Variants in ESM1 observed in about 807,000 individuals in gnomAD.
ESM1 encodes the protein endothelial cell-specific molecule 1.
In ESM1, 7 loss-of-function variants were observed where a neutral mutation model predicts 14.9. The ratio of observed to expected loss-of-function variants is 0.47; its 90% CI spans 0.27 to 0.88. The LOEUF is 0.88. Ranked by LOEUF, ESM1 falls within the 40% of genes least tolerant of loss-of-function variation. The probability of loss-of-function intolerance (pLI) is 0.14; values close to 1 mark genes in which losing one functional copy is unlikely to be tolerated. For synonymous variants in ESM1, 89 were observed against 89.4 expected, an observed-to-expected ratio of 1.00 and a Z score of 0.02; for missense variants, 192 against 237.9, an observed-to-expected ratio of 0.81 and a Z score of 1.27.
rs776395511 is a variant in ESM1, at chr5:54,977,963, C to T, written c.*1369G>A. 4 of 152,162 alleles carry T rather than the reference C, an allele frequency of 2.6e-5. No individual in the cohort carries two copies. The highest frequency in any genetic ancestry group is 1.3e-4 in the Admixed American group (2 of 15,272). 9.4% of individuals were successfully genotyped at this position (152,162 alleles called of 1,614,324 possible). Reference sequence around the variant, plus strand: ...CTTTACATTCAAAGGCCTTCCCACACACATTCACAACTCTGTTGGCCAACT... The same window carrying T: ...CTTTACATTCAAAGGCCTTCCCACATACATTCACAACTCTGTTGGCCAACT... On this transcript the variant is annotated 3_prime_UTR_variant, in exon 3 of 3. Transcript: ENST00000381405.
chr5:54,979,081 G>A lies in ESM1; in HGVS notation c.*251C>T, dbSNP rs1743998709. Reference sequence around the variant, plus strand: ...CCTAAATTGCATTTTTAGTTCTTCAGTGTTACTATACACACACATTTAACA... The same window carrying A: ...CCTAAATTGCATTTTTAGTTCTTCAATGTTACTATACACACACATTTAACA... On this transcript the variant is annotated 3_prime_UTR_variant, in exon 3 of 3. Transcript: ENST00000381405. The A allele has an allele frequency of 1.1e-5, 4 of 379,330 alleles. No homozygotes were observed. The highest frequency in any genetic ancestry group is 1.9e-5 in the Non-Finnish European group (4 of 209,874). The allele number at this position is 379,330 out of a possible 1,614,324, so 23.5% of individuals were successfully genotyped here. A position where few individuals can be genotyped will look rare whatever the true frequency, so the allele number is the denominator to read the frequency against.
chr5:54,985,228 C>T lies in ESM1; in HGVS notation c.290G>A (p.Gly97Asp). 3 of 1,610,670 alleles carry T rather than the reference C, an allele frequency of 1.9e-6. 1 individual carries two copies. Among genetic ancestry groups the T allele is most frequent in the Non-Finnish European group, 2.5e-6 (3 of 1,177,592 alleles). The change falls in exon 1 of 3, where the codon GGT becomes GAT. Residue 97 changes from glycine to aspartate, a missense_variant. By Grantham distance (94) the Gly-to-Asp change is moderately conservative. Transcript: ENST00000381405. ...NGEDPFGEEF[G>D]ICKDCPYGTF... The stretch of plus-strand genomic sequence containing the variant: ...GGGTCACTCTTTACCTTTGCAGATA[C>T]CAAACTCTTCACCAAAAGGATCCTC...
At chr5:54,981,533 T>C (rs1325822257) in intron 2 of ESM1, among the ~76,000 whole-genome samples, 1 of 152,190 alleles carries the variant, frequency 6.6e-6, no homozygotes, top group Non-Finnish European at 1.5e-5. Flanking sequence ...ATGCTTTCAT[T>C]TGGTTAAAAA....
intron 2 of ESM1, among the ~76,000 whole-genome samples, chr5:54,981,221 C>T (rs1054580636): frequency 1.3e-5 from 2 of 152,116 alleles, no homozygotes; most frequent in East Asian, 1.9e-4. Context: ...TAACTACAAT[C>T]GCCATTCTGT....
intron 1 of ESM1, 114 bp from the exon 2 acceptor site, chr5:54,982,260 T>C: frequency 7.3e-6 from 7 of 963,058 alleles, no homozygotes; most frequent in Non-Finnish European, 1.1e-5. Flanking sequence ...ACCTTGACTG[T>C]AAAGTAAAAT....
chr5:54,982,228 G>A (rs1744067769), intron 1 of ESM1, 82 bp from the exon 2 acceptor site: 2 of 1,418,972 alleles, frequency 1.4e-6, no homozygotes, highest in Non-Finnish European at 1.9e-6. Context: ...GCATAGCCTT[G>A]CGATTTGAAC....
At chr5:54,981,390 A>G (rs1003989124) in intron 2 of ESM1, among the ~76,000 whole-genome samples, 1 of 152,230 alleles carries the variant, frequency 6.6e-6, no homozygotes, top group South Asian at 2.1e-4. Context: ...TAACACCTGT[A>G]TAAGAAATAC....
chr5:54,978,177 AT>A lies in ESM1; in HGVS notation c.*1154del, dbSNP rs1172610453. ...AAAGAAAAAAATATGAAAATAAACT[AT>A]ATTTTAAAGTTGACATGTTTTCTGC... On this transcript the variant is annotated 3_prime_UTR_variant, in exon 3 of 3. Coordinates refer to ENST00000381405, the MANE Select transcript of ESM1 (RefSeq NM_007036.5). 6.6e-6 allele frequency: 1 copy of A among 152,224 alleles called. No homozygotes were observed. Among genetic ancestry groups the A allele is most frequent in the Non-Finnish European group, 1.5e-5 (1 of 68,030 alleles). 9.4% of individuals were successfully genotyped at this position (152,224 alleles called of 1,614,324 possible).
Position 54,985,318 on chromosome 5 carries a change from C to T in ESM1, c.200G>A (p.Arg67His). 1 of 1,614,154 alleles carries T rather than the reference C, an allele frequency of 6.2e-7. No homozygotes were observed. Among genetic ancestry groups the T allele is most frequent in the Non-Finnish European group, 8.5e-7 (1 of 1,180,036 alleles). The change falls in exon 1 of 3, where the codon CGC becomes CAC. Residue 67 changes from arginine to histidine, a missense_variant. Physicochemically the swap from Arg to His is conservative, Grantham distance 29. Transcript: ENST00000381405. Reference sequence around the variant, plus strand: ...CATGCCATCCATGCCTGAGACTGTGCGGTAGCAAGTTTCTCCCCGCCCTGC... The same window carrying T: ...CATGCCATCCATGCCTGAGACTGTGTGGTAGCAAGTTTCTCCCCGCCCTGC... Reference protein sequence around the residue: ...CAAGRGETCYRTVSGMDGMKC... With the variant: ...CAAGRGETCYHTVSGMDGMKC...
chr5:54,982,165 T>G lies in ESM1; in HGVS notation c.302-19A>C, dbSNP rs1580280166. ...GGACAGTCTGGGGACAAAGGAAAGG[T>G]TGGAGAGGACGCTGCTTGTTGTAAA... On this transcript the variant is annotated intron_variant, in intron 1 of 2. Transcript: ENST00000381405. The G allele has an allele frequency of 1.2e-6, 2 of 1,612,594 alleles. No homozygotes were observed. Among genetic ancestry groups the G allele is most frequent in the Non-Finnish European group, 1.7e-6 (2 of 1,179,222 alleles).
intron 1 of ESM1, among the ~76,000 whole-genome samples, chr5:54,984,478 AT>A (rs1434242198): frequency 6.6e-6 from 1 of 152,208 alleles, no homozygotes; most frequent in Non-Finnish European, 1.5e-5. Context: ...TAACTACATT[AT>A]TTAGCTAAAA....
intron 2 of ESM1, among the ~76,000 whole-genome samples, chr5:54,979,948 A>T (rs1458912758): frequency 6.6e-6 from 1 of 152,202 alleles, no homozygotes; most frequent in Admixed American, 6.5e-5. Context: ...GACACTTCTC[A>T]CTCTACATAT....
chr5:54,983,936 A>G (rs770735790), intron 1 of ESM1, among the ~76,000 whole-genome samples: 53 of 152,232 alleles, frequency 3.5e-4, no homozygotes, highest in Non-Finnish European at 6.8e-4. Context: ...AATAAGCCCC[A>G]TAATTTACAA....
rs1201965544 is a variant in ESM1 at position 54,985,308 on chromosome 5, T to G, written c.210A>C (p.Ser70=). The change falls in exon 1 of 3, where the codon TCA becomes TCC. Residue 70 remains serine (S), a synonymous_variant. Coordinates refer to ENST00000381405, the MANE Select transcript of ESM1 (RefSeq NM_007036.5). ...GGCCACACTTCATGCCATCCATGCC[T>G]GAGACTGTGCGGTAGCAAGTTTCTC... is the stretch of plus-strand genomic sequence containing the variant. ...GRGETCYRTV[S]GMDGMKCGPG... is the part of the protein sequence containing the mutation. The G allele has an allele frequency of 6.2e-7, 1 of 1,614,088 alleles. No homozygotes were observed. The highest frequency in any genetic ancestry group is 2.2e-5 in the East Asian group (1 of 44,884).
At chr5:54,981,422 G>C (rs748852383) in intron 2 of ESM1, among the ~76,000 whole-genome samples, 30 of 152,032 alleles carry the variant, frequency 2.0e-4, no homozygotes, top group Non-Finnish European at 4.1e-4. Context: ...CAAGCAGCAC[G>C]TATTACTACA....
rs1396346610 is a variant in ESM1 at position 54,978,155 on chromosome 5, GA to G, written c.*1176del. On this transcript the variant is annotated 3_prime_UTR_variant, in exon 3 of 3. Coordinates refer to ENST00000381405, the MANE Select transcript of ESM1 (RefSeq NM_007036.5). ...TTCCACTTATCAACCAAGTTTAAAAGAAAAAAATATGAAAATAAACTATATT... is the reference window on the plus strand; with the variant it reads ...TTCCACTTATCAACCAAGTTTAAAAGAAAAAATATGAAAATAAACTATATT... 1 of 151,710 alleles carries G rather than the reference GA, an allele frequency of 6.6e-6. No homozygotes were observed. Among genetic ancestry groups the G allele is most frequent in the Non-Finnish European group, 1.5e-5 (1 of 67,890 alleles). The allele number at this position is 151,710 out of a possible 1,614,324, so 9.4% of individuals were successfully genotyped here. A position where few individuals can be genotyped will look rare whatever the true frequency, so the allele number is the denominator to read the frequency against.
At chr5:54,981,158 T>C (rs1034591363) in intron 2 of ESM1, among the ~76,000 whole-genome samples, 5 of 152,182 alleles carry the variant, frequency 3.3e-5, no homozygotes, top group Non-Finnish European at 7.3e-5. Context: ...TTTTTTGTGA[T>C]GGGAACATTT....
intron 2 of ESM1, among the ~76,000 whole-genome samples, chr5:54,979,807 C>T (rs375557331): frequency 9.2e-5 from 14 of 152,174 alleles, no homozygotes; most frequent in African/African-American, 3.4e-4. Flanking sequence ...TTAATAAATA[C>T]TTATGGAATA....
intron 2 of ESM1, among the ~76,000 whole-genome samples, chr5:54,981,446 C>G (rs1190276325): frequency 6.6e-6 from 1 of 152,148 alleles, no homozygotes; most frequent in Non-Finnish European, 1.5e-5. Context: ...TCATTCATTT[C>G]CAAAATTTCA....
Sources: gnomAD v4.1 joint callset for allele counts (sites outside exome capture counted in the v4.1 genomes callset) on GRCh38, gnomAD v4.1.1 for gene constraint, MANE v1.5 for transcripts, NCBI Gene and HGNC (gene_info 2026-07-23, HGNC 2026-07-21) for gene names.